The following KANK1 variants were observed in gnomAD, a reference collection of about 807,000 sequenced individuals.
The protein encoded by KANK1 is KN motif and ankyrin repeat domains 1.
In KANK1, 109 loss-of-function variants were observed where a neutral mutation model predicts 106.2. The ratio of observed to expected loss-of-function variants is 1.03; its 90% CI spans 0.88 to 1.20. The LOEUF is 1.20. Among genes scored for constraint, KANK1 ranks in the 50% most tolerant of loss-of-function variants. The pLI, the probability that KANK1 is intolerant of heterozygous loss-of-function variation, is 0.00. For missense variants in KANK1, 2,399 were observed against 1,710.7 expected, an observed-to-expected ratio of 1.40 and a Z score of -7.10; for synonymous variants, 873 against 652.2, an observed-to-expected ratio of 1.34 and a Z score of -5.16.
intron 1 of KANK1, among the ~76,000 whole-genome samples, chr9:541,384 A>G (rs2060588825): frequency 6.6e-6 from 1 of 152,202 alleles, no homozygotes; most frequent in Admixed American, 6.5e-5. Context: ...ATACAGAAAA[A>G]TTAAACCCCT....
chr9:534,427 T>C (rs1429141535), intron 1 of KANK1, among the ~76,000 whole-genome samples: 2 of 152,216 alleles, frequency 1.3e-5, no homozygotes, highest in Admixed American at 1.3e-4. Context: ...AGATGTGATA[T>C]CTTTTCAGCA....
At chr9:510,019 C>T (rs1338687628) in intron 1 of KANK1, among the ~76,000 whole-genome samples, 1 of 151,392 alleles carries the variant, frequency 6.6e-6, no homozygotes, top group Non-Finnish European at 1.5e-5. Context: ...GCTAGGTTGT[C>T]CAGGCGGGTC....
chr9:622,521 C>G (rs1015865509), intron 1 of KANK1, among the ~76,000 whole-genome samples: 2 of 152,164 alleles, frequency 1.3e-5, no homozygotes, highest in Non-Finnish European at 2.9e-5. Flanking sequence ...TCGAAGAATA[C>G]TGTTGGGAAA....
chr9:733,747 G>A (rs1279797883), intron 6 of KANK1: 2 of 152,222 alleles, frequency 1.3e-5, no homozygotes, highest in African/African-American at 4.8e-5. Context: ...GGGTGACAGA[G>A]CAAGACCCTG....
chr9:576,747 G>T (rs573060650), intron 1 of KANK1, among the ~76,000 whole-genome samples: 24 of 151,508 alleles, frequency 1.6e-4, no homozygotes, highest in African/African-American at 5.5e-4. Context: ...GGGAGAGGAA[G>T]AGGAGGGACC....
At chr9:572,691 C>CA (rs2134917737) in intron 1 of KANK1, among the ~76,000 whole-genome samples, 1 of 152,278 alleles carries the variant, frequency 6.6e-6, no homozygotes, top group Admixed American at 6.5e-5. Flanking sequence ...CCACCATGTC[C>CA]AGCCCTACTT....
At chr9:558,040 G>C (rs2134282529) in intron 1 of KANK1, among the ~76,000 whole-genome samples, 1 of 152,296 alleles carries the variant, frequency 6.6e-6, no homozygotes, top group Non-Finnish European at 1.5e-5. Flanking sequence ...ACAATGGTAG[G>C]AATGTCAAGG....
chr9:673,322 G>C (rs941490771), intron 1 of KANK1, among the ~76,000 whole-genome samples: 2 of 147,330 alleles, frequency 1.4e-5, no homozygotes, highest in African/African-American at 5.0e-5. Flanking sequence ...TGATTCTTGT[G>C]CCTCAGCCTC....
At chr9:498,329 A>G (rs2058489642) in intron 3 of KANK1, among the ~76,000 whole-genome samples, 1 of 152,196 alleles carries the variant, frequency 6.6e-6, no homozygotes, top group Non-Finnish European at 1.5e-5. Context: ...CTTTAACTAC[A>G]AAGCTTGTAT....
At position 713,427 on chromosome 9, in the gene KANK1, C is replaced by A. The variant is rs750424165; in HGVS notation, c.2661C>A (p.Asn887Lys). The change falls in exon 3 of 12, where the codon AAC becomes AAA. Residue 887 changes from asparagine to lysine, a missense_variant. Asn to Lys is a moderately conservative substitution (Grantham distance 94, BLOSUM62 0). Transcript: ENST00000382297. ...MKSASTEELRNPDFQKTSLGK... is the reference protein window; with the variant it reads ...MKSASTEELRKPDFQKTSLGK... ...CTGCAAGCACTGAAGAGCTGAGGAA[C>A]CCTGACTTCCAGAAAACCAGTCTGG... 50 of 1,603,622 alleles carry A rather than the reference C, an allele frequency of 3.1e-5. No homozygotes were observed. Among genetic ancestry groups the A allele is most frequent in the Admixed American group, 5.2e-5 (3 of 57,906 alleles).
At chr9:555,173 C>T (rs545940998) in intron 1 of KANK1, among the ~76,000 whole-genome samples, 48 of 150,014 alleles carry the variant, frequency 3.2e-4, no homozygotes, top group Middle Eastern at 3.4e-3. Context: ...ATGAGCTGGC[C>T]AGTAGCTAAT....
intron 4 of KANK1, 79 bp downstream of exon 4, chr9:730,327 A>T: frequency 1.5e-6 from 2 of 1,361,050 alleles, no homozygotes; most frequent in East Asian, 4.6e-5. Flanking sequence ...ATGTCAATGT[A>T]CCTTTTAAAT....
At chr9:641,523 G>C (rs2137159104) in intron 1 of KANK1, among the ~76,000 whole-genome samples, 1 of 152,272 alleles carries the variant, frequency 6.6e-6, no homozygotes, top group East Asian at 1.9e-4. Flanking sequence ...GCTGCACAAA[G>C]TTTAGGGAGT....
chr9:735,465 A>C (rs1833532397), intron 7 of KANK1, among the ~76,000 whole-genome samples: 1 of 152,240 alleles, frequency 6.6e-6, no homozygotes, highest in Non-Finnish European at 1.5e-5. Flanking sequence ...ACCATGGCCA[A>C]GAATGACATA....
At chr9:601,679 T>A (rs1000458799) in intron 1 of KANK1, among the ~76,000 whole-genome samples, 9 of 151,884 alleles carry the variant, frequency 5.9e-5, no homozygotes, top group Non-Finnish European at 4.4e-5. Flanking sequence ...TCATCATTAT[T>A]TTCTTCTTCA....
At position 713,355 on chromosome 9, in the gene KANK1, C is replaced by G; in HGVS notation, c.2589C>G (p.Asn863Lys). ...GEPHSQMGSL[N>K]SQLISTLSSI... ...CTCACTCACAGATGGGCTCCCTCAA[C>G]TCTCAGCTCATCAGCACCCTGTCGT... The change falls in exon 3 of 12, where the codon AAC (asparagine) becomes AAG (lysine). Residue 863 changes from asparagine to lysine, a missense_variant. Transcript: ENST00000382297. The G allele has an allele frequency of 6.2e-7, 1 of 1,614,220 alleles. No individual in the cohort carries two copies. Among genetic ancestry groups the G allele is most frequent in the Non-Finnish European group, 8.5e-7 (1 of 1,180,040 alleles).
At chr9:561,011 T>G (rs142261690) in intron 1 of KANK1, among the ~76,000 whole-genome samples, 3 of 152,260 alleles carry the variant, frequency 2.0e-5, no homozygotes, top group East Asian at 3.9e-4. Flanking sequence ...AAGGAGATAA[T>G]CATCCCGTTG....
chr9:737,539 G>C (rs560791556), intron 7 of KANK1, among the ~76,000 whole-genome samples: 14 of 152,342 alleles, frequency 9.2e-5, no homozygotes, highest in Non-Finnish European at 1.6e-4. Flanking sequence ...ACCCAGGGTT[G>C]AGTTGATCAT....
chr9:572,955 T>C (rs899012116), intron 1 of KANK1, among the ~76,000 whole-genome samples: 1 of 152,340 alleles, frequency 6.6e-6, no homozygotes, highest in Non-Finnish European at 1.5e-5. Context: ...ATTATCACAA[T>C]GTATGTCCTA....
Sources: gnomAD v4.1 joint callset for allele counts (sites outside exome capture counted in the v4.1 genomes callset) on GRCh38, gnomAD v4.1.1 for gene constraint, MANE v1.5 for transcripts, NCBI Gene and HGNC (gene_info 2026-07-23, HGNC 2026-07-21) for gene names.